Variants in GRIK1 observed in about 807,000 individuals in gnomAD.
GRIK1 encodes the protein glutamate ionotropic receptor kainate type subunit 1.
GRIK1 carries 69 observed loss-of-function variants against 105.7 expected under a neutral mutation model. The ratio of observed to expected loss-of-function variants is 0.65; its 90% CI spans 0.54 to 0.80. The LOEUF (loss-of-function observed/expected upper bound fraction) is 0.80, where lower values mean the gene tolerates loss of function less well. GRIK1 is among the 30% of genes least tolerant of loss of function. The pLI is 0.00. For missense variants in GRIK1, 1,109 were observed against 1,167.3 expected (o/e 0.95, Z 0.73); for synonymous variants, 438 against 431.3 (o/e 1.02, Z -0.19).
chr21:29,695,367 A>T (rs945093295), intron 1 of GRIK1, among the ~76,000 whole-genome samples: 1 of 152,130 alleles, frequency 6.6e-6, no homozygotes, highest in Non-Finnish European at 1.5e-5. Flanking sequence ...TTGAAAGTAC[A>T]TGTTAACTGA....
chr21:29,550,601 T>C (rs916562906), intron 16 of GRIK1, among the ~76,000 whole-genome samples: 1 of 152,224 alleles, frequency 6.6e-6, no homozygotes, highest in African/African-American at 2.4e-5. Context: ...TATTACCAGT[T>C]TGGGTCCTTC....
At chr21:29,645,158 C>T (rs911712270) in intron 6 of GRIK1, among the ~76,000 whole-genome samples, 1 of 152,118 alleles carries the variant, frequency 6.6e-6, no homozygotes, top group African/African-American at 2.4e-5. Flanking sequence ...TTTTTAATTA[C>T]TGAAATTAAA....
intron 1 of GRIK1, among the ~76,000 whole-genome samples, chr21:29,706,995 G>T (rs2063922898): frequency 1.3e-5 from 2 of 152,134 alleles, no homozygotes; most frequent in Non-Finnish European, 2.9e-5. Context: ...CTCCAAAGTA[G>T]CTTGGACTAC....
intron 10 of GRIK1, among the ~76,000 whole-genome samples, chr21:29,590,566 C>T (rs2061318615): frequency 6.6e-6 from 1 of 152,160 alleles, no homozygotes; most frequent in Non-Finnish European, 1.5e-5. Context: ...AAGTCATAGA[C>T]ACACAGGCAA....
intron 4 of GRIK1, among the ~76,000 whole-genome samples, chr21:29,655,234 T>A (rs1199586168): frequency 6.6e-6 from 1 of 152,052 alleles, no homozygotes; most frequent in Non-Finnish European, 1.5e-5. Context: ...CATAGAGAAA[T>A]CCTGTCTCTA....
rs550172270 is a variant in GRIK1 at position 29,874,685 on chromosome 21, A to G, written c.118+64698T>C. Among the ~76,000 whole-genome samples, 3 of 152,332 alleles carry G rather than the reference A, an allele frequency of 2.0e-5. 1 individual carries two copies. The South Asian group carries it at 6.2e-4, about 32-fold the overall frequency. On this transcript the variant is annotated intron_variant, in intron 1 of 17. Coordinates refer to ENST00000327783, the MANE Select transcript of GRIK1 (RefSeq NM_001330994.2). The stretch of plus-strand genomic sequence containing the variant: ...TTGGGTGGGAGAGAATAGAGTATGG[A>G]CAACCAGTTGGAAGACAAATGCAGT...
intron 3 of GRIK1, among the ~76,000 whole-genome samples, chr21:29,676,760 A>G (rs1049326875): frequency 2.2e-4 from 34 of 152,300 alleles, no homozygotes; most frequent in Middle Eastern, 3.4e-3. Flanking sequence ...GGGACATTCA[A>G]CAATAAAACT....
At chr21:29,910,248 C>T (rs2070768763) in intron 1 of GRIK1, among the ~76,000 whole-genome samples, 1 of 151,950 alleles carries the variant, frequency 6.6e-6, no homozygotes, top group South Asian at 2.1e-4. Flanking sequence ...TTAAAAAGAC[C>T]TTCGAATAAA....
intron 1 of GRIK1, among the ~76,000 whole-genome samples, chr21:29,778,545 C>T (rs1033549530): frequency 6.6e-6 from 1 of 152,156 alleles, no homozygotes; most frequent in Non-Finnish European, 1.5e-5. Flanking sequence ...CAGAACTTTT[C>T]TCTGTGTACT....
intron 1 of GRIK1, among the ~76,000 whole-genome samples, chr21:29,764,942 T>C (rs2065619943): frequency 6.6e-6 from 1 of 152,226 alleles, no homozygotes; most frequent in South Asian, 2.1e-4. Context: ...TCCCAGACTA[T>C]TTATAAAATG....
chr21:29,929,807 C>T (rs950254748), intron 1 of GRIK1, among the ~76,000 whole-genome samples: 1 of 152,174 alleles, frequency 6.6e-6, no homozygotes, highest in Non-Finnish European at 1.5e-5. Context: ...CCAGCAATCA[C>T]ACTTCTAGGT....
At chr21:29,713,923 G>A (rs1391343528) in intron 1 of GRIK1, among the ~76,000 whole-genome samples, 1 of 152,052 alleles carries the variant, frequency 6.6e-6, no homozygotes, top group African/African-American at 2.4e-5. Flanking sequence ...CCCTTGCTGA[G>A]CTATAAGCCT....
intron 15 of GRIK1, among the ~76,000 whole-genome samples, chr21:29,559,038 G>T (rs1367194125): frequency 6.6e-6 from 1 of 152,146 alleles, no homozygotes; most frequent in Non-Finnish European, 1.5e-5. Flanking sequence ...GTGCCAAAAA[G>T]GGGTGTTGAA....
chr21:29,699,553 G>A (rs1299478959), intron 1 of GRIK1, among the ~76,000 whole-genome samples: 1 of 152,016 alleles, frequency 6.6e-6, no homozygotes, highest in Admixed American at 6.6e-5. Context: ...TTAAGTGTCT[G>A]TTGTTTAAGC....
At chr21:29,728,699 G>A (rs1363960552) in intron 1 of GRIK1, among the ~76,000 whole-genome samples, 1 of 152,134 alleles carries the variant, frequency 6.6e-6, no homozygotes, top group Non-Finnish European at 1.5e-5. Context: ...ACTGCTCTGG[G>A]CCCTAGGGAT....
chr21:29,875,000 G>GT (rs1569180970), intron 1 of GRIK1, among the ~76,000 whole-genome samples: 20 of 44,208 alleles, frequency 4.5e-4, no homozygotes, highest in Non-Finnish European at 1.0e-3. Context: ...ATAGTTTCAG[G>GT]GTTTTTTTTT....
At chr21:29,679,885 T>G (rs2146673077) in intron 3 of GRIK1, among the ~76,000 whole-genome samples, 1 of 152,350 alleles carries the variant, frequency 6.6e-6, no homozygotes, top group Middle Eastern at 3.4e-3. Context: ...AAAAATAAAC[T>G]TAACATATGG....
chr21:29,691,842 T>A (rs991088685), intron 2 of GRIK1, among the ~76,000 whole-genome samples: 14 of 152,150 alleles, frequency 9.2e-5, no homozygotes, highest in Non-Finnish European at 1.0e-4. Context: ...GAACAGCAAA[T>A]GTTTACAAGA....
intron 1 of GRIK1, among the ~76,000 whole-genome samples, chr21:29,917,734 A>G (rs1569216975): frequency 6.6e-6 from 1 of 151,908 alleles, no homozygotes. Flanking sequence ...CAGTATTTAC[A>G]TTTTTTCACT....
Sources: allele counts gnomAD v4.1 joint callset (sites outside exome capture counted in the v4.1 genomes callset), GRCh38; gene constraint gnomAD v4.1.1; transcripts MANE v1.5; gene names NCBI Gene and HGNC (gene_info 2026-07-23, HGNC 2026-07-21).